The following MDGA2 variants were observed in gnomAD, a reference collection of about 807,000 sequenced individuals.
MDGA2 encodes the protein MAM domain containing glycosylphosphatidylinositol anchor 2.
Under a neutral mutation model 117.8 loss-of-function variants are expected in MDGA2, and 40 were observed. The ratio of observed to expected loss-of-function variants is 0.34; its 90% CI spans 0.26 to 0.44. The LOEUF (loss-of-function observed/expected upper bound fraction) is 0.44. MDGA2 is among the 20% of genes least tolerant of loss of function. MDGA2 has a pLI of 1.00. For synonymous variants in MDGA2, 452 were observed against 439.0 expected (o/e 1.03, Z -0.37); for missense variants, 1,123 against 1,250.6 (o/e 0.90, Z 1.54).
At chr14:47,216,768 C>G (rs1335076904) in intron 3 of MDGA2, among the ~76,000 whole-genome samples, 3 of 151,898 alleles carry the variant, frequency 2.0e-5, no homozygotes, top group Non-Finnish European at 4.4e-5. Context: ...TGTATATGAA[C>G]AAAAATACTG....
intron 2 of MDGA2, among the ~76,000 whole-genome samples, chr14:47,262,795 G>C (rs1887840654): frequency 6.6e-6 from 1 of 152,178 alleles, no homozygotes. Context: ...AGATTTGAAA[G>C]CTTAATATCA....
At chr14:47,549,053 G>A (rs1895523538) in intron 1 of MDGA2, among the ~76,000 whole-genome samples, 2 of 152,094 alleles carry the variant, frequency 1.3e-5, no homozygotes, top group South Asian at 4.1e-4. Context: ...TGCCAGACAG[G>A]TCAAATAGTG....
chr14:47,546,453 A>G (rs761169322), intron 1 of MDGA2, among the ~76,000 whole-genome samples: 9 of 152,234 alleles, frequency 5.9e-5, no homozygotes, highest in Non-Finnish European at 1.0e-4. Flanking sequence ...ATGTTTACCT[A>G]CAGAATCTAC....
chr14:47,662,760 C>G (rs1042044350), intron 1 of MDGA2, among the ~76,000 whole-genome samples: 6 of 152,054 alleles, frequency 3.9e-5, no homozygotes, highest in African/African-American at 1.4e-4. Flanking sequence ...TTATTCTAGT[C>G]TTGGGGAAAG....
At chr14:47,646,789 TCAGAGC>T (rs1897543344) in intron 1 of MDGA2, among the ~76,000 whole-genome samples, 1 of 152,234 alleles carries the variant, frequency 6.6e-6, no homozygotes, top group African/African-American at 2.4e-5. Context: ...TGAATTTTGA[TCAGAGC>T]CATTTTATGT....
intron 3 of MDGA2, among the ~76,000 whole-genome samples, chr14:47,168,492 T>C (rs1883982755): frequency 6.6e-6 from 1 of 152,044 alleles, no homozygotes; most frequent in African/African-American, 2.4e-5. Flanking sequence ...TATAAGCTAT[T>C]GTTTTTCTTT....
intron 8 of MDGA2, among the ~76,000 whole-genome samples, chr14:46,991,220 A>G (rs1887082244): frequency 6.6e-6 from 1 of 152,302 alleles, no homozygotes; most frequent in African/African-American, 2.4e-5. Flanking sequence ...ACAGAATAAT[A>G]AAAGTGAAGA....
At chr14:47,249,161 G>T (rs1041061613) in intron 2 of MDGA2, among the ~76,000 whole-genome samples, 5 of 151,862 alleles carry the variant, frequency 3.3e-5, no homozygotes, top group Non-Finnish European at 7.4e-5. Flanking sequence ...GGGACTACAG[G>T]CACGCACCAC....
chr14:47,542,942 G>C (rs1315682481), intron 1 of MDGA2, among the ~76,000 whole-genome samples: 1 of 152,174 alleles, frequency 6.6e-6, no homozygotes. Flanking sequence ...GGGTGCACTG[G>C]CTCACACCTG....
At position 47,381,200 on chromosome 14, in the gene MDGA2, G is replaced by C. The variant is rs140253786; in HGVS notation, c.281-79650C>G. ...AACTCTCAATAAACTAGGTATTGATGGGACATATCTCAAAATAATAAGAGC... is the reference window on the plus strand; with the variant it reads ...AACTCTCAATAAACTAGGTATTGATCGGACATATCTCAAAATAATAAGAGC... On this transcript the variant is annotated intron_variant, in intron 1 of 16. Transcript: ENST00000399232. 4.5e-3 allele frequency among the ~76,000 whole-genome samples: 689 copies of C among 152,226 alleles called. 6 individuals are homozygous for C. The highest frequency in any genetic ancestry group is 0.016 in the African/African-American group (651 of 41,538).
intron 1 of MDGA2, among the ~76,000 whole-genome samples, chr14:47,588,247 T>G (rs10135566): frequency 0.3 from 36,889 of 124,090 alleles, 7,056 homozygotes; most frequent in East Asian, 0.78. Context: ...GATATATATA[T>G]ATATATATAT....
intron 5 of MDGA2, 140 bp from the exon 6 acceptor site, chr14:47,097,263 A>G: frequency 1.3e-6 from 1 of 783,388 alleles, no homozygotes; most frequent in East Asian, 2.6e-5. Context: ...GTATTACTCA[A>G]ATTTAAACAA....
intron 10 of MDGA2, among the ~76,000 whole-genome samples, chr14:46,901,490 A>G (rs193145653): frequency 1.3e-5 from 2 of 152,324 alleles, no homozygotes; most frequent in East Asian, 3.9e-4. Context: ...TCAAACTATT[A>G]AAGGAGAGGA....
chr14:47,482,195 A>T (rs542170497), intron 1 of MDGA2, among the ~76,000 whole-genome samples: 1 of 152,132 alleles, frequency 6.6e-6, no homozygotes, highest in East Asian at 1.9e-4. Context: ...CTTGATTCTT[A>T]GGCTCCCAGG....
At chr14:47,446,367 T>C (rs1893122200) in intron 1 of MDGA2, among the ~76,000 whole-genome samples, 1 of 152,164 alleles carries the variant, frequency 6.6e-6, no homozygotes, top group African/African-American at 2.4e-5. Context: ...CAAGAATGAT[T>C]ATGTGTTTGT....
At chr14:47,671,306 A>C (rs1380136272) in intron 1 of MDGA2, among the ~76,000 whole-genome samples, 1 of 152,218 alleles carries the variant, frequency 6.6e-6, no homozygotes, top group Non-Finnish European at 1.5e-5. Context: ...GTTGTCAAAC[A>C]GATTGGGCAT....
intron 5 of MDGA2, among the ~76,000 whole-genome samples, chr14:47,098,605 A>G (rs1880120300): frequency 6.6e-6 from 1 of 151,886 alleles, no homozygotes; most frequent in South Asian, 2.1e-4. Flanking sequence ...CTGAAAATAG[A>G]TATTATACTT....
chr14:47,148,685 G>T (rs552281865), intron 3 of MDGA2, among the ~76,000 whole-genome samples: 1 of 152,148 alleles, frequency 6.6e-6, no homozygotes, highest in Non-Finnish European at 1.5e-5. Flanking sequence ...AGAAAGAAAT[G>T]AGAGAATAAT....
intron 3 of MDGA2, among the ~76,000 whole-genome samples, chr14:47,167,180 T>C (rs1883918602): frequency 6.6e-6 from 1 of 152,148 alleles, no homozygotes; most frequent in African/African-American, 2.4e-5. Context: ...ATTTTTTTTT[T>C]TGGTCCAGAC....
Sources: allele counts gnomAD v4.1 joint callset (sites outside exome capture counted in the v4.1 genomes callset), GRCh38; gene constraint gnomAD v4.1.1; transcripts MANE v1.5; gene names NCBI Gene and HGNC (gene_info 2026-07-23, HGNC 2026-07-21).